Variants in PHF14 observed in about 807,000 individuals in gnomAD.
The protein encoded by PHF14 is PHD finger protein 14.
Under a neutral mutation model 117.9 loss-of-function variants are expected in PHF14, and 55 were observed. The ratio of observed to expected loss-of-function variants is 0.47; its 90% CI spans 0.38 to 0.58. PHF14 has a LOEUF of 0.58. PHF14 is among the 20% of genes least tolerant of loss of function. The probability of loss-of-function intolerance (pLI) is 0.00; values close to 1 mark genes in which losing one functional copy is unlikely to be tolerated. For missense variants in PHF14, 978 were observed against 1,122.2 expected (o/e 0.87, Z 1.84); for synonymous variants, 409 against 368.6 (o/e 1.11, Z -1.26).
At chr7:10,979,950 TAAC>T (rs1261424242) in intron 2 of PHF14, among the ~76,000 whole-genome samples, 1 of 152,076 alleles carries the variant, frequency 6.6e-6, no homozygotes, top group African/African-American at 2.4e-5. Flanking sequence ...TAATAATAGT[TAAC>T]AAACATAAAA....
chr7:11,071,304 A>T (rs764041152), intron 16 of PHF14: 1 of 518,352 alleles, frequency 1.9e-6, no homozygotes, highest in African/African-American at 1.9e-5. Flanking sequence ...TTTGATCACA[A>T]GCTCCTGTGT....
chr7:11,112,130 A>C (rs982984598), intron 17 of PHF14, among the ~76,000 whole-genome samples: 10 of 152,120 alleles, frequency 6.6e-5, no homozygotes, highest in Non-Finnish European at 1.3e-4. Flanking sequence ...CAGACTCCTA[A>C]TGTTTTGACT....
At position 11,169,586 on chromosome 7, in the gene PHF14, A is replaced by C. The variant is rs997731983; in HGVS notation, c.*96A>C. The stretch of plus-strand genomic sequence containing the variant: ...TGTTAAATTGTAAAATCTAATTTGC[A>C]AAATGTTCTCAATAAAGTCATTCAA... On this transcript the variant is annotated 3_prime_UTR_variant, in exon 18 of 18. Transcript: ENST00000634607. The C allele has an allele frequency of 7.4e-6, 4 of 537,854 alleles. No individual in the cohort carries two copies. The African/African-American group carries it at 8.0e-5, about 11-fold the overall frequency. The allele number at this position is 537,854 out of a possible 1,614,324, so 33.3% of individuals were successfully genotyped here.
At chr7:11,088,060 G>A (rs1014343382) in intron 16 of PHF14, among the ~76,000 whole-genome samples, 6 of 151,712 alleles carry the variant, frequency 4.0e-5, no homozygotes, top group Non-Finnish European at 8.8e-5. Flanking sequence ...CTCCATATCC[G>A]TGGGGCATTG....
chr7:11,039,493 A>G (rs1420481996), intron 11 of PHF14, among the ~76,000 whole-genome samples: 1 of 152,126 alleles, frequency 6.6e-6, no homozygotes, highest in Non-Finnish European at 1.5e-5. Flanking sequence ...TGCCTTTTTT[A>G]GTACTGTGTA....
chr7:11,070,846 G>A (rs892321296), intron 16 of PHF14, among the ~76,000 whole-genome samples: 1 of 152,138 alleles, frequency 6.6e-6, no homozygotes, highest in Admixed American at 6.5e-5. Context: ...CTGATACACT[G>A]CCATATCTGT....
intron 16 of PHF14, chr7:11,103,639 TG>T: frequency 1.0e-6 from 1 of 985,176 alleles, no homozygotes; most frequent in Non-Finnish European, 1.2e-6. Flanking sequence ...GATTAATAAA[TG>T]TGGTTTTGGA....
intron 14 of PHF14, among the ~76,000 whole-genome samples, chr7:11,055,974 T>C (rs1785002718): frequency 6.6e-6 from 1 of 152,198 alleles, no homozygotes; most frequent in Non-Finnish European, 1.5e-5. Flanking sequence ...ACTACAGTTC[T>C]GGGAAAGAAG....
At chr7:11,072,704 A>G (rs1192198327) in intron 16 of PHF14, among the ~76,000 whole-genome samples, 1 of 152,206 alleles carries the variant, frequency 6.6e-6, no homozygotes, top group African/African-American at 2.4e-5. Context: ...TGCTATAAAT[A>G]CCTGAGGCTA....
At chr7:10,994,159 C>T (rs1439524225) in intron 4 of PHF14, among the ~76,000 whole-genome samples, 1 of 151,830 alleles carries the variant, frequency 6.6e-6, no homozygotes, top group East Asian at 1.9e-4. Context: ...AAGATCTCAG[C>T]CAAGCACAAT....
Position 10,983,136 on chromosome 7 carries a change from C to T in PHF14, c.877C>T (p.Leu293=), listed in dbSNP as rs1246594818. 2.5e-6 allele frequency: 4 copies of T among 1,596,708 alleles called. No homozygotes were observed. Among genetic ancestry groups the T allele is most frequent in the Admixed American group, 1.7e-5 (1 of 59,754 alleles). ...DEELTNDSLT[L]SQSKSNEDSL... Reference sequence around the variant, plus strand: ...GGAACTGACCAATGATAGCCTGACCCTATCTCAAAGCAAGAGTAATGAGGT... The same window carrying T: ...GGAACTGACCAATGATAGCCTGACCTTATCTCAAAGCAAGAGTAATGAGGT... The change falls in exon 3 of 18, where the codon CTA becomes TTA. Residue 293 remains leucine, a synonymous_variant. Coordinates refer to ENST00000634607, the MANE Select transcript of PHF14 (RefSeq NM_001007157.2).
In PHF14 at chr7:11,156,784, C is replaced by A. The variant is rs577646934; in HGVS notation, c.2773-12632C>A. ...ATTCCAGCCTGGTCATAGAGCGAGA[C>A]TGTCTCAGAAAAAAAACAGAAAAAA... On this transcript the variant is annotated intron_variant, in intron 17 of 17. Coordinates refer to ENST00000634607, the MANE Select transcript of PHF14 (RefSeq NM_001007157.2). Among the ~76,000 whole-genome samples the A allele has an allele frequency of 9.6e-4, 146 of 152,054 alleles. 1 individual carries two copies. Among genetic ancestry groups the A allele is most frequent in the South Asian group, 2.9e-3 (14 of 4,814 alleles).
At chr7:11,021,686 T>G (rs1014095347) in intron 5 of PHF14, among the ~76,000 whole-genome samples, 1 of 152,154 alleles carries the variant, frequency 6.6e-6, no homozygotes, top group Admixed American at 6.5e-5. Flanking sequence ...AAGCAGCTGC[T>G]TGTTGAAGAT....
chr7:11,027,530 T>C (rs1473735797), intron 6 of PHF14, among the ~76,000 whole-genome samples: 1 of 152,106 alleles, frequency 6.6e-6, no homozygotes, highest in Non-Finnish European at 1.5e-5. Context: ...CTTTTTCTTT[T>C]AAGAGATAGT....
rs371588747 is a variant in PHF14 at position 11,163,944 on chromosome 7, A to G, written c.2773-5472A>G. 5.3e-5 allele frequency among the ~76,000 whole-genome samples: 8 copies of G among 152,312 alleles called. No individual in the cohort carries two copies. The East Asian group carries it at 9.6e-4, about 18-fold the overall frequency. On this transcript the variant is annotated intron_variant, in intron 17 of 17. Coordinates refer to ENST00000634607, the MANE Select transcript of PHF14 (RefSeq NM_001007157.2). Reference sequence around the variant, plus strand: ...CAGTTAGAACAGGTTGAGTGTCTACATGTTTTTTCCCTAAAAGCTATATAT... The same window carrying G: ...CAGTTAGAACAGGTTGAGTGTCTACGTGTTTTTTCCCTAAAAGCTATATAT...
chr7:11,111,497 T>C (rs1231302386), intron 17 of PHF14, 30 bp downstream of exon 17: 2 of 1,105,800 alleles, frequency 1.8e-6, no homozygotes, highest in African/African-American at 3.1e-5. Flanking sequence ...AGAAAAGGTA[T>C]TGGTGTCCTT....
At chr7:11,163,991 A>T (rs1219568124) in intron 17 of PHF14, among the ~76,000 whole-genome samples, 1 of 152,316 alleles carries the variant, frequency 6.6e-6, no homozygotes, top group Admixed American at 6.5e-5. Context: ...CTTTTAAAAG[A>T]AACATTATTA....
chr7:10,977,631 T>C (rs1462207667), intron 2 of PHF14, among the ~76,000 whole-genome samples: 1 of 152,194 alleles, frequency 6.6e-6, no homozygotes, highest in Non-Finnish European at 1.5e-5. Context: ...TTATTTTTAA[T>C]GCAAAAGCAA....
In PHF14 at chr7:11,046,107, A is replaced by G. The variant is rs577073607; in HGVS notation, c.2312+3293A>G. 3.0e-4 allele frequency among the ~76,000 whole-genome samples: 46 copies of G among 152,186 alleles called. No homozygotes were observed. In the South Asian group the frequency reaches 8.7e-3, roughly 29 times the overall value. ...CTAGTGATGGTGTGATCTAGGTTCT[A>G]TTTTGTTTGTACCTCTTTCTAGTAT... On this transcript the variant is annotated intron_variant, in intron 13 of 17. Transcript: ENST00000634607.
Sources: gnomAD v4.1 joint callset for allele counts (sites outside exome capture counted in the v4.1 genomes callset) on GRCh38, gnomAD v4.1.1 for gene constraint, MANE v1.5 for transcripts, NCBI Gene and HGNC (gene_info 2026-07-23, HGNC 2026-07-21) for gene names.